SEMA6D: variants seen among roughly 807,000 people sequenced by gnomAD.
SEMA6D encodes the protein semaphorin-6D.
A neutral mutation model predicts 106.6 loss-of-function variants in SEMA6D; 35 were observed. The observed-to-expected ratio is 0.33, with a 90% CI of 0.25 to 0.44. The LOEUF (loss-of-function observed/expected upper bound fraction) is 0.44, where lower values mean the gene tolerates loss of function less well. SEMA6D is among the 20% of genes least tolerant of loss of function. The probability of loss-of-function intolerance (pLI) is 1.00; values close to 1 mark genes in which losing one functional copy is unlikely to be tolerated. For missense variants in SEMA6D, 1,185 were observed against 1,345.9 expected (o/e 0.88, Z 1.87); for synonymous variants, 499 against 487.7 (o/e 1.02, Z -0.31).
At chr15:47,288,774 T>G (rs2035476271) in intron 1 of SEMA6D, among the ~76,000 whole-genome samples, 1 of 152,216 alleles carries the variant, frequency 6.6e-6, no homozygotes, top group African/African-American at 2.4e-5. Flanking sequence ...GCTGTGAATA[T>G]TCCATCTTCA....
At chr15:47,642,538 G>A (rs1468092829) in intron 4 of SEMA6D, among the ~76,000 whole-genome samples, 1 of 152,154 alleles carries the variant, frequency 6.6e-6, no homozygotes, top group East Asian at 1.9e-4. Flanking sequence ...GCCCTCAAAG[G>A]CTTCACTGTC....
chr15:47,241,654 AAG>A (rs1262776446), intron 1 of SEMA6D, among the ~76,000 whole-genome samples: 1 of 151,966 alleles, frequency 6.6e-6, no homozygotes, highest in African/African-American at 2.4e-5. Context: ...GGAGAGGAGA[AAG>A]AGAGATAGGA....
intron 4 of SEMA6D, among the ~76,000 whole-genome samples, chr15:47,671,219 C>T (rs918044484): frequency 5.9e-5 from 9 of 152,092 alleles, no homozygotes; most frequent in African/African-American, 2.2e-4. Context: ...TTTTAAAATA[C>T]GTACCATTTT....
At chr15:47,543,455 T>C (rs1254117776) in intron 3 of SEMA6D, among the ~76,000 whole-genome samples, 4 of 152,270 alleles carry the variant, frequency 2.6e-5, no homozygotes, top group African/African-American at 7.2e-5. Flanking sequence ...GTGACTTTGC[T>C]CCTCATTCGC....
intron 1 of SEMA6D, among the ~76,000 whole-genome samples, chr15:47,227,692 T>A (rs1408343230): frequency 6.7e-6 from 1 of 150,136 alleles, no homozygotes; most frequent in Admixed American, 6.7e-5. Context: ...ATTTCAGGAC[T>A]GAAATAGGCC....
At chr15:47,341,347 G>A (rs929581598) in intron 1 of SEMA6D, among the ~76,000 whole-genome samples, 20 of 152,066 alleles carry the variant, frequency 1.3e-4, no homozygotes, top group East Asian at 5.8e-4. Flanking sequence ...CTGAGATTGC[G>A]CCACTGCACT....
chr15:47,264,161 A>G (rs1423176483), intron 1 of SEMA6D, among the ~76,000 whole-genome samples: 1 of 152,020 alleles, frequency 6.6e-6, no homozygotes, highest in East Asian at 2.0e-4. Context: ...ACATGGACAC[A>G]TAGAGGGCAA....
In SEMA6D at chr15:47,763,088, A is replaced by G; in HGVS notation, c.731A>G (p.His244Arg). ...TTCTTTCGAGAAATCGCTGTCGAAC[A>G]TAATAATTTAGGCAAGGCAAGTATA... ...YFFFREIAVE[H>R]NNLGKAVYSR... The change falls in exon 9 of 19, where the codon CAT (histidine) becomes CGT (arginine). Residue 244 changes from histidine (H) to arginine (R), a missense_variant. Physicochemically the swap from His to Arg is conservative, Grantham distance 29. Coordinates refer to ENST00000536845, the MANE Select transcript of SEMA6D (RefSeq NM_001358351.3). 6.2e-7 allele frequency: 1 copy of G among 1,612,302 alleles called. No homozygotes were observed. Among genetic ancestry groups the G allele is most frequent in the Non-Finnish European group, 8.5e-7 (1 of 1,179,010 alleles).
intron 3 of SEMA6D, among the ~76,000 whole-genome samples, chr15:47,593,866 A>C (rs1596387550): frequency 6.6e-6 from 1 of 152,190 alleles, no homozygotes; most frequent in Admixed American, 6.5e-5. Context: ...ACCAGATCGC[A>C]TGAGAACTCT....
At position 47,412,757 on chromosome 15, in the gene SEMA6D, G is replaced by A. The variant is rs188990273; in HGVS notation, c.-159+285G>A. On this transcript the variant is annotated intron_variant, in intron 2 of 19. Transcript: ENST00000558014. ...TTTCCATTTTGAACAATGAAACTAC[G>A]TGTATTCAGAAGAGATATGATTATA... 2.0e-3 allele frequency among the ~76,000 whole-genome samples: 306 copies of A among 152,250 alleles called. 1 individual carries two copies. Among genetic ancestry groups the A allele is most frequent in the Non-Finnish European group, 3.7e-3 (254 of 68,016 alleles).
At chr15:47,367,678 A>ACGCGCGCGCGCG (rs144860630) in intron 1 of SEMA6D, among the ~76,000 whole-genome samples, 1 of 137,592 alleles carries the variant, frequency 7.3e-6, no homozygotes, top group African/African-American at 3.1e-5. Flanking sequence ...GCACGCTCAC[A>ACGCGCGCGCGCG]CGCGCGCGCG....
chr15:47,754,161 G>A (rs2081591058), intron 1 of SEMA6D, among the ~76,000 whole-genome samples: 1 of 152,184 alleles, frequency 6.6e-6, no homozygotes, highest in South Asian at 2.1e-4. Context: ...GGAGGCCCAG[G>A]TGAGAGAATC....
At chr15:47,436,428 A>G (rs919854228) in intron 2 of SEMA6D, among the ~76,000 whole-genome samples, 1 of 151,612 alleles carries the variant, frequency 6.6e-6, no homozygotes, top group African/African-American at 2.4e-5. Context: ...GGCTGTATTA[A>G]TGTGCTGAGA....
chr15:47,693,369 A>G (rs2078630051), intron 4 of SEMA6D, among the ~76,000 whole-genome samples: 1 of 152,124 alleles, frequency 6.6e-6, no homozygotes, highest in Non-Finnish European at 1.5e-5. Context: ...AAGCTTCTGT[A>G]GTTTAAACCA....
At chr15:47,450,942 C>G (rs1358440837) in intron 2 of SEMA6D, among the ~76,000 whole-genome samples, 1 of 152,068 alleles carries the variant, frequency 6.6e-6, no homozygotes, top group Non-Finnish European at 1.5e-5. Flanking sequence ...AGCTTTGCCT[C>G]AGAACAGTAT....
At chr15:47,675,966 A>G (rs2078236765) in intron 4 of SEMA6D, among the ~76,000 whole-genome samples, 1 of 149,622 alleles carries the variant, frequency 6.7e-6, no homozygotes, top group African/African-American at 2.5e-5. Flanking sequence ...GAGGGGGGAG[A>G]AGCCTTTCTG....
intron 3 of SEMA6D, among the ~76,000 whole-genome samples, chr15:47,585,643 T>A (rs1016206124): frequency 3.9e-5 from 6 of 152,244 alleles, no homozygotes; most frequent in Non-Finnish European, 1.5e-5. Flanking sequence ...AGGAGAGTAC[T>A]AACTGATCTA....
intron 2 of SEMA6D, among the ~76,000 whole-genome samples, chr15:47,463,195 G>A (rs960597404): frequency 1.3e-5 from 2 of 152,058 alleles, no homozygotes; most frequent in Admixed American, 1.3e-4. Flanking sequence ...TTGCAAGCTG[G>A]GTTCCACAGT....
intron 4 of SEMA6D, among the ~76,000 whole-genome samples, chr15:47,633,947 A>G (rs146195255): frequency 6.6e-6 from 1 of 152,002 alleles, no homozygotes; most frequent in African/African-American, 2.4e-5. Context: ...TGCTTATTAC[A>G]TTTTTCAGTT....
Sources: gnomAD v4.1 joint callset for allele counts (sites outside exome capture counted in the v4.1 genomes callset) on GRCh38, gnomAD v4.1.1 for gene constraint, MANE v1.5 for transcripts, NCBI Gene and HGNC (gene_info 2026-07-23, HGNC 2026-07-21) for gene names.